The following BDH1 variants were observed in gnomAD, a reference collection of about 807,000 sequenced individuals.
BDH1 encodes D-beta-hydroxybutyrate dehydrogenase, mitochondrial.
In BDH1, 30 loss-of-function variants were observed where a neutral mutation model predicts 33.1. The observed-to-expected ratio is 0.91, with a 90% confidence interval of 0.68 to 1.23. BDH1 has a LOEUF of 1.23. Ranked by LOEUF, BDH1 falls within the 50% of genes most tolerant of loss-of-function variation. The pLI is 0.00. For synonymous variants in BDH1, 190 were observed against 183.6 expected, an observed-to-expected ratio of 1.03 and a Z score of -0.28; for missense variants, 443 against 464.4, an observed-to-expected ratio of 0.95 and a Z score of 0.42.
chr3:197,550,565 G>T (rs980106131), intron 2 of BDH1, among the ~76,000 whole-genome samples: 2 of 152,220 alleles, frequency 1.3e-5, no homozygotes, highest in Non-Finnish European at 2.9e-5. Flanking sequence ...TGAGCCCATT[G>T]TTCTGTCCCC....
intron 1 of BDH1, among the ~76,000 whole-genome samples, chr3:197,561,672 G>C (rs1231258195): frequency 6.6e-6 from 1 of 152,010 alleles, no homozygotes; most frequent in Non-Finnish European, 1.5e-5. Context: ...TTTCCCATCA[G>C]ATTTGACCTA....
rs1560296905 is a variant in BDH1, at chr3:197,510,684, G to GTGTGTGTGTGTGT, written c.*1210_*1211insACACACACACACA. The GTGTGTGTGTGTGT allele has an allele frequency of 1.1e-3, 62 of 58,704 alleles. 4 individuals carry two copies. The highest frequency in any genetic ancestry group is 1.5e-3 in the African/African-American group (20 of 13,012). 3.6% of individuals were successfully genotyped at this position (58,704 alleles called of 1,614,324 possible). On this transcript the variant is annotated 3_prime_UTR_variant, in exon 8 of 8. Transcript: ENST00000392379. ...TGTGTGTGTGTGTACATGTGTGTAA[G>GTGTGTGTGTGTGT]GTGTGTGTGTGTGTGTGTGTGTGTG...
intron 3 of BDH1, among the ~76,000 whole-genome samples, chr3:197,534,766 C>T (rs1403701630): frequency 6.6e-6 from 1 of 152,190 alleles, no homozygotes; most frequent in Non-Finnish European, 1.5e-5. Flanking sequence ...TCTAGTTTAG[C>T]CATGCTGAAA....
chr3:197,550,368 G>A (rs562690272), intron 2 of BDH1, among the ~76,000 whole-genome samples: 10 of 152,226 alleles, frequency 6.6e-5, no homozygotes, highest in East Asian at 3.9e-4. Flanking sequence ...CTTCGGTGGC[G>A]ACCAGTTCTC....
rs958757160 is a variant in BDH1 at position 197,520,625 on chromosome 3, C to T, written c.409+2015G>A. On this transcript the variant is annotated intron_variant, in intron 6 of 7. Coordinates refer to ENST00000392379, the MANE Select transcript of BDH1 (RefSeq NM_203314.3). This position sits in a 1 kb window ranked among gnomAD's most constrained non-coding sequence, Gnocchi z 6.0. Reference sequence around the variant, plus strand: ...GGTCTCCGGTGATGACGCCTTTCCACGGGCATTTTAGATCACCACAAAACC... The same window carrying T: ...GGTCTCCGGTGATGACGCCTTTCCATGGGCATTTTAGATCACCACAAAACC... Among the ~76,000 whole-genome samples, 3 of 152,098 alleles carry T rather than the reference C, an allele frequency of 2.0e-5. No homozygotes were observed. Among genetic ancestry groups the T allele is most frequent in the Non-Finnish European group, 4.4e-5 (3 of 68,032 alleles).
At chr3:197,518,411 C>A (rs1173125615) in intron 6 of BDH1, among the ~76,000 whole-genome samples, 1 of 31,508 alleles carries the variant, frequency 3.2e-5, no homozygotes, top group Non-Finnish European at 6.1e-5. Context: ...TCCATCCCCC[C>A]CTCAGGCCGA....
chr3:197,553,854 T>C (rs1716774063), intron 2 of BDH1, among the ~76,000 whole-genome samples: 1 of 152,222 alleles, frequency 6.6e-6, no homozygotes, highest in African/African-American at 2.4e-5. Context: ...AGATTGAGTG[T>C]AGGATATGAA....
chr3:197,542,012 A>G (rs1048145585), intron 3 of BDH1, among the ~76,000 whole-genome samples: 2 of 152,222 alleles, frequency 1.3e-5, no homozygotes, highest in Non-Finnish European at 2.9e-5. Flanking sequence ...AACGCTTTCC[A>G]GATTACCACC....
chr3:197,537,263 A>C (rs754279962), intron 3 of BDH1, among the ~76,000 whole-genome samples: 57 of 152,370 alleles, frequency 3.7e-4, no homozygotes, highest in Admixed American at 5.9e-4. Flanking sequence ...TGCTGGGATT[A>C]CAGGCATGAA....
At position 197,524,864 on chromosome 3, in the gene BDH1, T is replaced by C. The variant is rs529214483; in HGVS notation, c.268-2083A>G. The stretch of plus-strand genomic sequence containing the variant: ...CACCGCTTCCGTTCCTGGACTGTCG[T>C]CTTCACCGCCTGGTTTTCCATGGAA... On this transcript the variant is annotated intron_variant, in intron 5 of 7. Transcript: ENST00000392379. Among the ~76,000 whole-genome samples the C allele has an allele frequency of 9.2e-5, 14 of 152,164 alleles. No individual in the cohort carries two copies. In the South Asian group the frequency reaches 2.9e-3, roughly 32 times the overall value.
chr3:197,564,848 A>G (rs558979285), intron 1 of BDH1, among the ~76,000 whole-genome samples: 1 of 152,386 alleles, frequency 6.6e-6, no homozygotes, highest in Non-Finnish European at 1.5e-5. Context: ...CTTATGGTCA[A>G]GATTAAAATT....
chr3:197,548,865 CA>C (rs201793920), intron 2 of BDH1, among the ~76,000 whole-genome samples: 5 of 131,966 alleles, frequency 3.8e-5, no homozygotes, highest in East Asian at 2.0e-4. Flanking sequence ...ACAAAAATAA[CA>C]AAAAAAAACA....
chr3:197,533,382 C>A, intron 4 of BDH1, 107 bp downstream of exon 4: 1 of 1,184,054 alleles, frequency 8.4e-7, no homozygotes, highest in East Asian at 2.3e-5. Flanking sequence ...CTCCCAGTGT[C>A]CTGGAAACAC....
In BDH1 at chr3:197,522,502, T is replaced by A; in HGVS notation, c.409+138A>T. ...ATGTTTAGTGTAATCCTCTTCCTCC[T>A]ACTGTGCAGGAGGAAGAGCCTAAAC... On this transcript the variant is annotated intron_variant, in intron 6 of 7. Coordinates refer to ENST00000392379, the MANE Select transcript of BDH1 (RefSeq NM_203314.3). This position sits in a 1 kb window ranked among gnomAD's most constrained non-coding sequence, Gnocchi z 4.8. 6 of 1,084,376 alleles carry A rather than the reference T, an allele frequency of 5.5e-6. No homozygotes were observed. Among genetic ancestry groups the A allele is most frequent in the Non-Finnish European group, 8.0e-6 (6 of 751,998 alleles). 67.2% of individuals were successfully genotyped at this position (1,084,376 alleles called of 1,614,324 possible). A position where few individuals can be genotyped will look rare whatever the true frequency, so the allele number is the denominator to read the frequency against.
rs1382634118 is a variant in BDH1 at position 197,532,398 on chromosome 3, A to G, written c.267+14T>C. ...TGTAAAAGACAATGGTGAAGAAGAT[A>G]ACTCGTCTCTTACCTTCATCAAGCA... On this transcript the variant is annotated intron_variant, in intron 5 of 7. Transcript: ENST00000392379. 6.2e-7 allele frequency: 1 copy of G among 1,603,838 alleles called. No individual in the cohort carries two copies. Among genetic ancestry groups the G allele is most frequent in the African/African-American group, 1.3e-5 (1 of 74,810 alleles).
In BDH1 at chr3:197,523,814, G is replaced by A. The variant is rs60173703; in HGVS notation, c.268-1033C>T. On this transcript the variant is annotated intron_variant, in intron 5 of 7. Transcript: ENST00000392379. This position sits in a 1 kb window ranked among gnomAD's most constrained non-coding sequence, Gnocchi z 4.5. ...TGACAGCTGAGGACATTCACAAGAG[G>A]GGGCCGATGGGGACGGGGCACTGTG... 0.016 allele frequency among the ~76,000 whole-genome samples: 2,510 copies of A among 152,254 alleles called. 77 individuals are homozygous for A. Among genetic ancestry groups the A allele is most frequent in the African/African-American group, 0.057 (2,380 of 41,516 alleles).
Position 197,514,476 on chromosome 3 carries a change from T to G in BDH1, c.410-60A>C. On this transcript the variant is annotated intron_variant, in intron 6 of 7. Coordinates refer to ENST00000392379, the MANE Select transcript of BDH1 (RefSeq NM_203314.3). This position sits in a 1 kb window ranked among gnomAD's most constrained non-coding sequence, Gnocchi z 4.2. Reference sequence around the variant, plus strand: ...ATGGGCTTGGCCCAGACATTGCCCATCAGCCTGCAGGCCAGCCTCCTCTCT... The same window carrying G: ...ATGGGCTTGGCCCAGACATTGCCCAGCAGCCTGCAGGCCAGCCTCCTCTCT... The G allele has an allele frequency of 6.7e-7, 1 of 1,488,232 alleles. No individual in the cohort carries two copies. The highest frequency in any genetic ancestry group is 9.0e-7 in the Non-Finnish European group (1 of 1,111,646). 92.2% of individuals were successfully genotyped at this position (1,488,232 alleles called of 1,614,324 possible).
At chr3:197,539,489 C>T (rs2108750536) in intron 3 of BDH1, among the ~76,000 whole-genome samples, 1 of 152,324 alleles carries the variant, frequency 6.6e-6, no homozygotes, top group East Asian at 1.9e-4. Flanking sequence ...CAAAACAAAC[C>T]TCCTTCTTGC....
At chr3:197,563,928 C>T (rs576035210) in intron 1 of BDH1, among the ~76,000 whole-genome samples, 3 of 151,940 alleles carry the variant, frequency 2.0e-5, no homozygotes, top group Non-Finnish European at 2.9e-5. Context: ...ATGGTAAAAT[C>T]CCATCTCTAC....
Sources: gnomAD v4.1 joint callset for allele counts (sites outside exome capture counted in the v4.1 genomes callset) on GRCh38, gnomAD v4.1.1 for gene constraint, Gnocchi (gnomAD v3.1) non-coding constraint, MANE v1.5 for transcripts, NCBI Gene and HGNC (gene_info 2026-07-23, HGNC 2026-07-21) for gene names.